Variants in KCNK2 observed in about 807,000 individuals in gnomAD.
KCNK2 encodes the protein potassium two pore domain channel subfamily K member 2.
Under a neutral mutation model 40.5 loss-of-function variants are expected in KCNK2, and 21 were observed. That is an observed-to-expected ratio of 0.52 (90% CI 0.37 to 0.75). The LOEUF is 0.75. Among genes scored for constraint, KCNK2 ranks in the 30% least tolerant of loss-of-function variants. The probability of loss-of-function intolerance (pLI) is 0.00; values close to 1 mark genes in which losing one functional copy is unlikely to be tolerated. For synonymous variants in KCNK2, 191 were observed against 202.2 expected (o/e 0.94, Z 0.47); for missense variants, 399 against 531.6 (o/e 0.75, Z 2.45).
At position 215,195,111 on chromosome 1, in the gene KCNK2, G is replaced by T. The variant is rs1664808465; in HGVS notation, c.963+19G>T. On this transcript the variant is annotated intron_variant, in intron 6 of 6. Transcript: ENST00000444842. ...AGAAGAGGTGAGAATTAAGAAGTGT[G>T]CAAAAAACTTCTATTTAGTTAATTC... is the stretch of plus-strand genomic sequence containing the variant. 1 of 1,552,030 alleles carries T rather than the reference G, an allele frequency of 6.4e-7. No homozygotes were observed.
At chr1:215,030,939 A>G (rs573542795) in intron 1 of KCNK2, among the ~76,000 whole-genome samples, 1 of 152,206 alleles carries the variant, frequency 6.6e-6, no homozygotes, top group Middle Eastern at 3.4e-3. Flanking sequence ...TAAGATCTGC[A>G]TCTCGATTCA....
chr1:215,130,612 A>AGAATT (rs898658646), intron 3 of KCNK2, among the ~76,000 whole-genome samples: 12 of 152,128 alleles, frequency 7.9e-5, no homozygotes, highest in African/African-American at 2.2e-4. Flanking sequence ...GGACTCCTAC[A>AGAATT]GAATTGAATT....
chr1:215,105,280 T>A (rs961927222), intron 2 of KCNK2, among the ~76,000 whole-genome samples: 3 of 152,090 alleles, frequency 2.0e-5, no homozygotes, highest in African/African-American at 7.2e-5. Flanking sequence ...GTTTTCTGCT[T>A]CCATGAGTTT....
chr1:215,191,156 G>A (rs983698897), intron 5 of KCNK2, among the ~76,000 whole-genome samples: 1 of 151,728 alleles, frequency 6.6e-6, no homozygotes, highest in African/African-American at 2.4e-5. Context: ...GTGGTGGCAG[G>A]TGCCTGTATT....
chr1:215,050,244 G>T (rs1657935123), intron 1 of KCNK2, among the ~76,000 whole-genome samples: 1 of 151,850 alleles, frequency 6.6e-6, no homozygotes, highest in African/African-American at 2.4e-5. Context: ...CATTTTATTT[G>T]GAGTAATCAT....
At chr1:215,024,669 G>A (rs2102480818) in intron 1 of KCNK2, among the ~76,000 whole-genome samples, 1 of 151,996 alleles carries the variant, frequency 6.6e-6, no homozygotes, top group East Asian at 1.9e-4. Context: ...AACAAATGTT[G>A]CTTAAATATC....
At chr1:215,055,119 T>C (rs906545055) in intron 1 of KCNK2, among the ~76,000 whole-genome samples, 1 of 152,242 alleles carries the variant, frequency 6.6e-6, no homozygotes, top group African/African-American at 2.4e-5. Context: ...GAATAACTAG[T>C]TTGTGTTATT....
chr1:215,023,836 G>A (rs982751937), intron 1 of KCNK2, among the ~76,000 whole-genome samples: 2 of 152,202 alleles, frequency 1.3e-5, no homozygotes, highest in Non-Finnish European at 2.9e-5. Flanking sequence ...TATCTGAGAT[G>A]TGTCCAACCT....
Position 215,083,200 on chromosome 1 carries a change from C to A in KCNK2, c.-186C>A, listed in dbSNP as rs1189609789. On this transcript the variant is annotated 5_prime_UTR_variant, in exon 1 of 7. Transcript: ENST00000444842. ...ATTTCGTTTCTTCTCACGCTCCCCC[C>A]CCCGCCCCCTCCCGCGTCCAGCCCC... 2.7e-6 allele frequency: 2 copies of A among 748,252 alleles called. No individual in the cohort carries two copies. Among genetic ancestry groups the A allele is most frequent in the Non-Finnish European group, 4.2e-6 (2 of 471,074 alleles). The allele number at this position is 748,252 out of a possible 1,614,324, so 46.4% of individuals were successfully genotyped here.
At chr1:215,199,813 C>T (rs1432264934) in intron 6 of KCNK2, among the ~76,000 whole-genome samples, 1 of 152,196 alleles carries the variant, frequency 6.6e-6, no homozygotes, top group East Asian at 1.9e-4. Context: ...AAGGTAAAAT[C>T]TGTGCTTGCT....
chr1:215,141,168 T>A (rs1007742068), intron 3 of KCNK2, among the ~76,000 whole-genome samples: 5 of 152,120 alleles, frequency 3.3e-5, no homozygotes, highest in Non-Finnish European at 7.4e-5. Context: ...TAACAATAAC[T>A]TCTCCTAGAA....
intron 6 of KCNK2, among the ~76,000 whole-genome samples, chr1:215,196,053 C>G (rs1664850161): frequency 6.6e-6 from 1 of 150,772 alleles, no homozygotes; most frequent in South Asian, 2.1e-4. Flanking sequence ...CTTCCCTTTA[C>G]AAATGTTTTC....
At chr1:215,042,463 G>A (rs1402528002) in intron 1 of KCNK2, among the ~76,000 whole-genome samples, 1 of 152,134 alleles carries the variant, frequency 6.6e-6, no homozygotes, top group African/African-American at 2.4e-5. Context: ...AAGTCTGCCT[G>A]ATGATTTGTG....
At chr1:215,230,507 G>GAA (rs1666596703) in intron 6 of KCNK2, among the ~76,000 whole-genome samples, 1 of 65,580 alleles carries the variant, frequency 1.5e-5, no homozygotes, top group African/African-American at 7.2e-5. Flanking sequence ...ACACACGGCT[G>GAA]TATATATATA....
chr1:215,126,566 A>G (rs533225084), intron 3 of KCNK2, among the ~76,000 whole-genome samples: 1 of 152,180 alleles, frequency 6.6e-6, no homozygotes, highest in South Asian at 2.1e-4. Flanking sequence ...ATAACTCATC[A>G]TGACCACCAC....
At chr1:215,015,842 T>C (rs1373193729) in intron 1 of KCNK2, among the ~76,000 whole-genome samples, 1 of 152,110 alleles carries the variant, frequency 6.6e-6, no homozygotes, top group Non-Finnish European at 1.5e-5. Flanking sequence ...AAACATAAAA[T>C]TGAGGGTTAC....
At chr1:215,230,542 T>TACAC (rs1400355059) in intron 6 of KCNK2, among the ~76,000 whole-genome samples, 2 of 87,424 alleles carry the variant, frequency 2.3e-5, no homozygotes, top group African/African-American at 4.9e-5. Context: ...TGTATATATA[T>TACAC]ACACACACAT....
intron 2 of KCNK2, among the ~76,000 whole-genome samples, chr1:215,108,778 A>C (rs1660549424): frequency 7.0e-6 from 1 of 143,734 alleles, no homozygotes; most frequent in Non-Finnish European, 1.5e-5. Flanking sequence ...TAAACAAATA[A>C]AACAGTAGTA....
chr1:215,122,911 G>GT (rs914618602), intron 2 of KCNK2, among the ~76,000 whole-genome samples: 1 of 151,438 alleles, frequency 6.6e-6, no homozygotes, highest in Non-Finnish European at 1.5e-5. Flanking sequence ...CGCTCGGCTA[G>GT]TTTTTTGTAT....
Sources: allele counts gnomAD v4.1 joint callset (sites outside exome capture counted in the v4.1 genomes callset), GRCh38; gene constraint gnomAD v4.1.1; transcripts MANE v1.5; gene names NCBI Gene and HGNC (gene_info 2026-07-23, HGNC 2026-07-21).